The following AKAP9 variants were observed in gnomAD, a reference collection of about 807,000 sequenced individuals.
AKAP9 encodes A-kinase anchoring protein 9.
Under a neutral mutation model 488.5 loss-of-function variants are expected in AKAP9, and 311 were observed. The observed-to-expected ratio is 0.64, with a 90% CI of 0.58 to 0.70. The LOEUF (loss-of-function observed/expected upper bound fraction) is 0.70, where lower values mean the gene tolerates loss of function less well. Among genes scored for constraint, AKAP9 ranks in the 30% least tolerant of loss-of-function variants. AKAP9 has a pLI of 0.00. For missense variants in AKAP9, 4,215 were observed against 4,374.5 expected (o/e 0.96, Z 1.03); for synonymous variants, 1,462 against 1,483.5 (o/e 0.99, Z 0.33).
chr7:91,991,802 T>G (rs895999065), intron 3 of AKAP9, among the ~76,000 whole-genome samples: 2 of 152,234 alleles, frequency 1.3e-5, no homozygotes, highest in Non-Finnish European at 2.9e-5. Flanking sequence ...GAATAGGGCT[T>G]AATAAATAAT....
At position 92,017,123 on chromosome 7, in the gene AKAP9, A is replaced by T. The variant is rs1020911019; in HGVS notation, c.3837+21A>T. On this transcript the variant is annotated intron_variant, in intron 12 of 49. Coordinates refer to ENST00000356239, the MANE Select transcript of AKAP9 (RefSeq NM_005751.5). The stretch of plus-strand genomic sequence containing the variant: ...GCAAGGTCTGTGAGATGGAAAATAT[A>T]TTGTAATATTTGCATTTATTGTATT... The T allele has an allele frequency of 1.5e-5, 22 of 1,484,008 alleles. No individual in the cohort carries two copies. In the African/African-American group the frequency reaches 2.7e-4, roughly 18 times the overall value. 91.9% of individuals were successfully genotyped at this position (1,484,008 alleles called of 1,614,324 possible).
intron 24 of AKAP9, 49 bp downstream of exon 24, chr7:92,062,535 A>G: frequency 3.2e-6 from 5 of 1,538,958 alleles, no homozygotes. Flanking sequence ...TTTTATTTGT[A>G]TTCTTCAAAG....
At chr7:92,055,377 C>T (rs989925237) in intron 22 of AKAP9, among the ~76,000 whole-genome samples, 1 of 151,966 alleles carries the variant, frequency 6.6e-6, no homozygotes, top group African/African-American at 2.4e-5. Flanking sequence ...GGTCTAGGCT[C>T]CGTCAGGGTA....
At chr7:91,941,266 T>C (rs1315201259) in intron 1 of AKAP9, 119 bp downstream of exon 1, 5 of 984,452 alleles carry the variant, frequency 5.1e-6, no homozygotes. Flanking sequence ...AGGGAGGTGC[T>C]GCAGGGTCTT....
At chr7:91,975,829 T>TGCAG (rs1270150007) in intron 2 of AKAP9, among the ~76,000 whole-genome samples, 1 of 152,032 alleles carries the variant, frequency 6.6e-6, no homozygotes, top group Non-Finnish European at 1.5e-5. Context: ...CTTTTATTCC[T>TGCAG]GGTTCATTAA....
At chr7:91,959,468 A>G (rs1036072016) in intron 1 of AKAP9, among the ~76,000 whole-genome samples, 5 of 151,886 alleles carry the variant, frequency 3.3e-5, no homozygotes, top group Non-Finnish European at 7.4e-5. Flanking sequence ...AATTTAAAAA[A>G]AAAAAAAAAT....
intron 43 of AKAP9, among the ~76,000 whole-genome samples, chr7:92,098,733 A>G (rs949603816): frequency 1.3e-5 from 2 of 152,078 alleles, no homozygotes; most frequent in Non-Finnish European, 2.9e-5. Context: ...TCTCTAACCT[A>G]TAACTATGAA....
At chr7:91,965,432 A>G (rs967523779) in intron 1 of AKAP9, among the ~76,000 whole-genome samples, 1 of 152,180 alleles carries the variant, frequency 6.6e-6, no homozygotes, top group African/African-American at 2.4e-5. Flanking sequence ...CCGTTTATCA[A>G]TTGATGGGCA....
intron 8 of AKAP9, among the ~76,000 whole-genome samples, chr7:92,008,675 G>A (rs1440018544): frequency 1.4e-5 from 2 of 145,782 alleles, no homozygotes; most frequent in African/African-American, 5.1e-5. Context: ...GTGACAAAGT[G>A]AGACTCTATC....
intron 9 of AKAP9, 126 bp from the exon 10 acceptor site, chr7:92,014,118 TAACTC>T: frequency 1.4e-6 from 1 of 704,570 alleles, no homozygotes. Flanking sequence ...CAATGGAAAA[TAACTC>T]AAAGAAATAA....
chr7:92,033,728 A>G (rs940200182), intron 16 of AKAP9, among the ~76,000 whole-genome samples: 1 of 152,088 alleles, frequency 6.6e-6, no homozygotes, highest in East Asian at 1.9e-4. Flanking sequence ...GTGAGCCACC[A>G]TGCCTGGCTG....
chr7:91,961,577 G>T (rs1195001548), intron 1 of AKAP9, among the ~76,000 whole-genome samples: 1 of 152,002 alleles, frequency 6.6e-6, no homozygotes, highest in East Asian at 1.9e-4. Context: ...GGGCGTGGTG[G>T]CTCACGCCTG....
At chr7:92,102,182 T>A (rs531623648) in intron 45 of AKAP9, among the ~76,000 whole-genome samples, 42 of 146,028 alleles carry the variant, frequency 2.9e-4, no homozygotes, top group South Asian at 2.1e-3. Flanking sequence ...AATAAATAAA[T>A]AAATAAATAA....
intron 17 of AKAP9, 30 bp from the exon 18 acceptor site, chr7:92,040,644 T>C: frequency 7.3e-7 from 1 of 1,373,688 alleles, no homozygotes; most frequent in South Asian, 1.3e-5. Flanking sequence ...TATGGTTGAA[T>C]TGTTTTTTTT....
chr7:92,043,318 TC>T, intron 20 of AKAP9: 1 of 985,140 alleles, frequency 1.0e-6, no homozygotes, highest in Non-Finnish European at 1.2e-6. Context: ...GATTTTGGCT[TC>T]CCCATTGGAT....
In AKAP9 at chr7:92,053,027, A is replaced by T. The variant is rs1808251665; in HGVS notation, c.5601+69A>T. 1.7e-5 allele frequency: 22 copies of T among 1,323,894 alleles called. No homozygotes were observed. The South Asian group carries it at 2.7e-4, about 16-fold the overall frequency. The allele number at this position is 1,323,894 out of a possible 1,614,324, so 82.0% of individuals were successfully genotyped here. ...ATATACTATCCCACTCTCTCGACTGAGCTAATTTTGATATTTTCATGGATA... is the reference window on the plus strand; with the variant it reads ...ATATACTATCCCACTCTCTCGACTGTGCTAATTTTGATATTTTCATGGATA... On this transcript the variant is annotated intron_variant, in intron 22 of 49. Transcript: ENST00000356239.
At chr7:92,027,828 G>A (rs539210663) in intron 14 of AKAP9, among the ~76,000 whole-genome samples, 12 of 152,318 alleles carry the variant, frequency 7.9e-5, no homozygotes, top group Non-Finnish European at 1.2e-4. Context: ...CCATAATGAC[G>A]ATGGCGGTTT....
intron 14 of AKAP9, among the ~76,000 whole-genome samples, chr7:92,023,878 C>T (rs1426491292): frequency 2.6e-5 from 4 of 152,092 alleles, no homozygotes; most frequent in Non-Finnish European, 5.9e-5. Context: ...TTCTCATTGG[C>T]TGTTCCTTCT....
chr7:92,018,742 C>T (rs1306980751), intron 12 of AKAP9, among the ~76,000 whole-genome samples: 1 of 152,128 alleles, frequency 6.6e-6, no homozygotes, highest in Non-Finnish European at 1.5e-5. Flanking sequence ...GTTTATATTA[C>T]CAGGGATCTT....
Sources: allele counts gnomAD v4.1 joint callset (sites outside exome capture counted in the v4.1 genomes callset), GRCh38; gene constraint gnomAD v4.1.1; transcripts MANE v1.5; gene names NCBI Gene and HGNC (gene_info 2026-07-23, HGNC 2026-07-21).